Variants in SRD5A2 observed in about 807,000 individuals in gnomAD.
SRD5A2 encodes steroid 5 alpha-reductase 2, also known as 3-oxo-5-alpha-steroid 4-dehydrogenase 2.
SRD5A2 carries 30 observed loss-of-function variants against 27.4 expected under a neutral mutation model. The observed-to-expected ratio is 1.10, with a 90% CI of 0.82 to 1.49. The LOEUF is 1.49. Ranked by LOEUF, SRD5A2 falls within the 40% of genes most tolerant of loss-of-function variation. The probability of loss-of-function intolerance (pLI) is 0.00; values close to 1 mark genes in which losing one functional copy is unlikely to be tolerated. For missense variants in SRD5A2, 348 were observed against 323.4 expected, an observed-to-expected ratio of 1.08 and a Z score of -0.58; for synonymous variants, 141 against 133.6, an observed-to-expected ratio of 1.06 and a Z score of -0.38.
chr2:31,648,199 T>A, the SRD5A2 span, among the ~76,000 whole-genome samples: 9 of 152,236 alleles, frequency 5.9e-5, no homozygotes, highest in African/African-American at 2.2e-4. Context: ...GGCAAAGGCA[T>A]CAAAAAATGG....
chr2:31,639,721 T>C, the SRD5A2 span, among the ~76,000 whole-genome samples: 4 of 152,192 alleles, frequency 2.6e-5, no homozygotes, highest in African/African-American at 9.6e-5. Context: ...GCAAGACAAA[T>C]TGGAACTCCT....
intron 1 of SRD5A2, among the ~76,000 whole-genome samples, chr2:31,562,502 A>G (rs1225938347): frequency 6.6e-6 from 1 of 152,194 alleles, no homozygotes; most frequent in Non-Finnish European, 1.5e-5. Flanking sequence ...TAATGTACCC[A>G]TTAACAATCC....
At chr2:31,631,394 T>C in the SRD5A2 span, among the ~76,000 whole-genome samples, 1 of 152,092 alleles carries the variant, frequency 6.6e-6, no homozygotes, top group Non-Finnish European at 1.5e-5. Context: ...AGAATAAGCA[T>C]TAGGACCTTA....
In SRD5A2 at chr2:31,580,701, A is replaced by C. The variant is rs376673386; in HGVS notation, c.200T>G (p.Ile67Ser). ...ELPSFAVPAG[I>S]LARQPLSLFG... ...GAGGGAGAGGGGCTGCCGGGCGAGG[A>C]TCCCCGCGGGCACCGCGAAGGAAGG... The change falls in exon 1 of 5, where the codon ATC becomes AGC. Residue 67 changes from isoleucine to serine, a missense_variant. Ile to Ser is a moderately radical substitution (Grantham distance 142, BLOSUM62 -2). Coordinates refer to ENST00000622030, the MANE Select transcript of SRD5A2 (RefSeq NM_000348.4). 2 of 1,603,210 alleles carry C rather than the reference A, an allele frequency of 1.2e-6. No individual in the cohort carries two copies. Among genetic ancestry groups the C allele is most frequent in the African/African-American group, 1.3e-5 (1 of 74,882 alleles).
the SRD5A2 span, among the ~76,000 whole-genome samples, chr2:31,647,218 C>G: frequency 6.6e-6 from 1 of 152,138 alleles, no homozygotes; most frequent in Admixed American, 6.5e-5. Context: ...GAATATAGAA[C>G]AGTGCTTTTC....
chr2:31,531,742 C>A (rs909033307), intron 2 of SRD5A2, among the ~76,000 whole-genome samples: 2 of 152,164 alleles, frequency 1.3e-5, no homozygotes, highest in Non-Finnish European at 2.9e-5. Context: ...GGAGGTAGCA[C>A]CATTGTCCAG....
At chr2:31,549,529 T>C (rs952261602) in intron 1 of SRD5A2, among the ~76,000 whole-genome samples, 2 of 152,168 alleles carry the variant, frequency 1.3e-5, no homozygotes, top group Non-Finnish European at 2.9e-5. Context: ...AGTTCTATTA[T>C]GTGTATTTTG....
At chr2:31,533,422 G>A (rs1665958173) in intron 2 of SRD5A2, among the ~76,000 whole-genome samples, 181 bp downstream of exon 2, 1 of 152,180 alleles carries the variant, frequency 6.6e-6, no homozygotes, top group Admixed American at 6.5e-5. Flanking sequence ...ATGGGAAATG[G>A]CATGATATGT....
the SRD5A2 span, among the ~76,000 whole-genome samples, chr2:31,586,446 C>A: frequency 2.6e-5 from 4 of 152,132 alleles, no homozygotes; most frequent in Admixed American, 2.6e-4. Flanking sequence ...GCAGGGAAGA[C>A]CCAGTGTTGT....
intron 1 of SRD5A2, among the ~76,000 whole-genome samples, chr2:31,577,349 T>C (rs1296047294): frequency 6.6e-6 from 1 of 151,986 alleles, no homozygotes; most frequent in African/African-American, 2.4e-5. Context: ...TCAGCAATTA[T>C]GATTCCCAAG....
At chr2:31,535,066 G>C (rs1665998047) in intron 1 of SRD5A2, among the ~76,000 whole-genome samples, 1 of 150,046 alleles carries the variant, frequency 6.7e-6, no homozygotes, top group Admixed American at 6.6e-5. Flanking sequence ...CTGTTGCCCA[G>C]GCTGGAGTGC....
chr2:31,541,884 A>G (rs1271501072), intron 1 of SRD5A2, among the ~76,000 whole-genome samples: 1 of 152,204 alleles, frequency 6.6e-6, no homozygotes, highest in African/African-American at 2.4e-5. Flanking sequence ...CACAGGGAGC[A>G]TATAGATCAG....
rs2148066784 is a variant in SRD5A2, at chr2:31,533,600, T to C, written c.445+3A>G. 1 of 1,551,424 alleles carries C rather than the reference T, an allele frequency of 6.4e-7. No homozygotes were observed. Among genetic ancestry groups the C allele is most frequent in the East Asian group, 2.4e-5 (1 of 40,918 alleles). ...TAGGTGAGAAGTGGGCAGATTCACT[T>C]ACCCAAGCTAAACCGTATGTCTGTG... is the stretch of plus-strand genomic sequence containing the variant. On this transcript the variant is annotated splice_donor_region_variant and intron_variant, in intron 2 of 4. Coordinates refer to ENST00000622030, the MANE Select transcript of SRD5A2 (RefSeq NM_000348.4).
At chr2:31,547,033 G>A (rs1666276691) in intron 1 of SRD5A2, among the ~76,000 whole-genome samples, 1 of 152,158 alleles carries the variant, frequency 6.6e-6, no homozygotes, top group Non-Finnish European at 1.5e-5. Context: ...GGGAGGCAGA[G>A]GTTGTGGTGA....
the SRD5A2 span, among the ~76,000 whole-genome samples, chr2:31,653,672 T>G: frequency 6.6e-6 from 1 of 152,128 alleles, no homozygotes; most frequent in Non-Finnish European, 1.5e-5. Flanking sequence ...TTTTTTTTTC[T>G]TTTTGAGACG....
chr2:31,661,642 C>T, the SRD5A2 span, among the ~76,000 whole-genome samples: 2 of 152,118 alleles, frequency 1.3e-5, no homozygotes, highest in South Asian at 2.1e-4. Context: ...TTGACTCTTA[C>T]GTTATTTAGT....
At chr2:31,592,050 C>T in the SRD5A2 span, among the ~76,000 whole-genome samples, 1 of 148,542 alleles carries the variant, frequency 6.7e-6, no homozygotes, top group Non-Finnish European at 1.5e-5. Context: ...AACAAACCTG[C>T]ACATTGTGCA....
the SRD5A2 span, among the ~76,000 whole-genome samples, chr2:31,634,254 A>G: frequency 9.2e-5 from 14 of 152,232 alleles, no homozygotes; most frequent in Admixed American, 9.2e-4. Context: ...GGACAGTTTT[A>G]AGAAAAGAAT....
At chr2:31,601,100 C>G in the SRD5A2 span, among the ~76,000 whole-genome samples, 1 of 151,918 alleles carries the variant, frequency 6.6e-6, no homozygotes, top group Admixed American at 6.6e-5. Context: ...GAGACAGAGA[C>G]ATGAAAAATC....
Sources: allele counts gnomAD v4.1 joint callset (sites outside exome capture counted in the v4.1 genomes callset), GRCh38; gene constraint gnomAD v4.1.1; transcripts MANE v1.5; gene names NCBI Gene and HGNC (gene_info 2026-07-23, HGNC 2026-07-21).